Variants in NR5A2 observed in about 807,000 individuals in gnomAD.
NR5A2 encodes CYP7A promoter-binding factor.
In NR5A2, 26 loss-of-function variants were observed where a neutral mutation model predicts 62.7. The observed-to-expected ratio is 0.41, with a 90% CI of 0.30 to 0.58. The LOEUF (loss-of-function observed/expected upper bound fraction) is 0.58, where lower values mean the gene tolerates loss of function less well. Among genes scored for constraint, NR5A2 ranks in the 20% least tolerant of loss-of-function variants. The probability of loss-of-function intolerance (pLI) is 0.22; values close to 1 mark genes in which losing one functional copy is unlikely to be tolerated. For missense variants in NR5A2, 541 were observed against 669.1 expected (o/e 0.81, Z 2.11); for synonymous variants, 246 against 241.7 (o/e 1.02, Z -0.16).
At chr1:200,053,563 G>GCA (rs1356868019) in intron 5 of NR5A2, among the ~76,000 whole-genome samples, 6 of 70,362 alleles carry the variant, frequency 8.5e-5, no homozygotes, top group East Asian at 4.5e-4. Context: ...CCCCCAGCAT[G>GCA]CACACGCACA....
rs911572360 is a variant in NR5A2 at position 200,153,780 on chromosome 1, G to A, written c.1379-20183G>A. 3.9e-5 allele frequency among the ~76,000 whole-genome samples: 6 copies of A among 152,110 alleles called. No homozygotes were observed. The South Asian group carries it at 1.0e-3, about 26-fold the overall frequency. On this transcript the variant is annotated intron_variant, in intron 7 of 7. Transcript: ENST00000367362. ...TACTTTAGGTAAGAAAAAATAAAAG[G>A]AAGGAGGAAAGGTATGGAGGGGGAG...
chr1:200,106,784 A>G (rs1192974124), intron 5 of NR5A2, among the ~76,000 whole-genome samples: 1 of 152,204 alleles, frequency 6.6e-6, no homozygotes, highest in Non-Finnish European at 1.5e-5. Flanking sequence ...AAATCTTCAA[A>G]ATTGTCAACA....
chr1:200,116,261 C>A (rs1241356851), intron 6 of NR5A2, among the ~76,000 whole-genome samples: 1 of 152,136 alleles, frequency 6.6e-6, no homozygotes, highest in Non-Finnish European at 1.5e-5. Flanking sequence ...GAATGCAAGA[C>A]CCCAGGTGTT....
At chr1:200,043,512 T>G (rs2102154519) in intron 2 of NR5A2, among the ~76,000 whole-genome samples, 1 of 152,366 alleles carries the variant, frequency 6.6e-6, no homozygotes, top group South Asian at 2.1e-4. Context: ...GACTTGTGTT[T>G]AAAAGCGGTC....
intron 7 of NR5A2, among the ~76,000 whole-genome samples, chr1:200,130,469 A>T (rs1368423826): frequency 6.6e-6 from 1 of 152,218 alleles, no homozygotes; most frequent in Admixed American, 6.5e-5. Flanking sequence ...CAGCTGCTCT[A>T]GAAAGTGAAA....
rs571729098 is a variant in NR5A2 at position 200,131,899 on chromosome 1, G to A, written c.1378+10944G>A. On this transcript the variant is annotated intron_variant, in intron 7 of 7. Coordinates refer to ENST00000367362, the MANE Select transcript of NR5A2 (RefSeq NM_205860.3). Reference sequence around the variant, plus strand: ...AGACCAATCCAAAGCCAGGAGAGAAGAACAAATAGAAGTACAAGGCCTCTC... The same window carrying A: ...AGACCAATCCAAAGCCAGGAGAGAAAAACAAATAGAAGTACAAGGCCTCTC... 3.9e-5 allele frequency among the ~76,000 whole-genome samples: 6 copies of A among 152,286 alleles called. No individual in the cohort carries two copies. The South Asian group carries it at 1.0e-3, about 26-fold the overall frequency.
chr1:200,171,784 T>C (rs1333509349), intron 7 of NR5A2, among the ~76,000 whole-genome samples: 2 of 152,136 alleles, frequency 1.3e-5, no homozygotes, highest in Non-Finnish European at 2.9e-5. Flanking sequence ...CATTGAATGC[T>C]GAGCTGAAGA....
chr1:200,159,153 A>G (rs1033802673), intron 7 of NR5A2, among the ~76,000 whole-genome samples: 1 of 152,070 alleles, frequency 6.6e-6, no homozygotes, highest in Non-Finnish European at 1.5e-5. Context: ...AGCTTCCCAA[A>G]GTGCTAGGAT....
chr1:200,040,436 T>C (rs1023311673), intron 2 of NR5A2, among the ~76,000 whole-genome samples: 7 of 152,212 alleles, frequency 4.6e-5, no homozygotes, highest in African/African-American at 1.7e-4. Flanking sequence ...GTTCGTTTAT[T>C]GCCCCCTTTT....
intron 5 of NR5A2, among the ~76,000 whole-genome samples, chr1:200,082,097 C>T (rs1236460470): frequency 6.6e-6 from 1 of 152,174 alleles, no homozygotes; most frequent in Non-Finnish European, 1.5e-5. Context: ...CTCCCCTCCA[C>T]ACCAACCCCA....
chr1:200,133,204 G>C (rs938975050), intron 7 of NR5A2, among the ~76,000 whole-genome samples: 3 of 152,026 alleles, frequency 2.0e-5, no homozygotes, highest in African/African-American at 7.2e-5. Context: ...TCCCAGAAAC[G>C]TGGGGAATGT....
intron 5 of NR5A2, among the ~76,000 whole-genome samples, chr1:200,104,702 A>G (rs747256402): frequency 6.6e-6 from 1 of 152,072 alleles, no homozygotes; most frequent in African/African-American, 2.4e-5. Flanking sequence ...TCACTCCGTC[A>G]CCCAGGCTGG....
intron 7 of NR5A2, among the ~76,000 whole-genome samples, chr1:200,151,119 A>G (rs963177693): frequency 1.3e-5 from 2 of 152,164 alleles, no homozygotes; most frequent in African/African-American, 2.4e-5. Context: ...CTTGACTGCA[A>G]ACCATCTAGC....
chr1:200,085,136 G>A (rs1664464224), intron 5 of NR5A2, among the ~76,000 whole-genome samples: 2 of 152,138 alleles, frequency 1.3e-5, no homozygotes, highest in African/African-American at 4.8e-5. Context: ...TGACATGTAT[G>A]TACCCTTTTT....
chr1:200,078,648 C>T (rs1389228512), intron 5 of NR5A2, among the ~76,000 whole-genome samples: 1 of 152,178 alleles, frequency 6.6e-6, no homozygotes, highest in East Asian at 1.9e-4. Flanking sequence ...GGTCATTCTA[C>T]ATTTTCTTAA....
chr1:200,143,215 T>A (rs1667524233), intron 7 of NR5A2, among the ~76,000 whole-genome samples: 1 of 152,168 alleles, frequency 6.6e-6, no homozygotes, highest in Non-Finnish European at 1.5e-5. Context: ...TCTGTCTGAC[T>A]CTATGAGATC....
intron 2 of NR5A2, among the ~76,000 whole-genome samples, 180 bp from the exon 3 acceptor site, chr1:200,043,593 TG>T (rs1558100103): frequency 6.6e-6 from 1 of 152,354 alleles, no homozygotes; most frequent in East Asian, 1.9e-4. Flanking sequence ...CCATGCTTAT[TG>T]ATGACAAAAG....
At chr1:200,042,952 A>G in intron 2 of NR5A2, 1 of 984,744 alleles carries the variant, frequency 1.0e-6, no homozygotes, top group Non-Finnish European at 1.2e-6. Flanking sequence ...TAACTTTAAT[A>G]GGGCGATCTC....
chr1:200,094,295 G>T (rs939985587), intron 5 of NR5A2, among the ~76,000 whole-genome samples: 2 of 150,278 alleles, frequency 1.3e-5, no homozygotes, highest in Non-Finnish European at 3.0e-5. Context: ...AGTGAGTCTC[G>T]TGTCTCAGCC....
Sources: gnomAD v4.1 joint callset for allele counts (sites outside exome capture counted in the v4.1 genomes callset) on GRCh38, gnomAD v4.1.1 for gene constraint, MANE v1.5 for transcripts, NCBI Gene and HGNC (gene_info 2026-07-23, HGNC 2026-07-21) for gene names.